The following LONP2 variants were observed in gnomAD, a reference collection of about 807,000 sequenced individuals.
LONP2 encodes lon protease homolog 2, peroxisomal.
Under a neutral mutation model 85.6 loss-of-function variants are expected in LONP2, and 60 were observed. The observed-to-expected ratio is 0.70, with a 90% confidence interval of 0.57 to 0.87. The LOEUF (loss-of-function observed/expected upper bound fraction) is 0.87, where lower values mean the gene tolerates loss of function less well. Ranked by LOEUF, LONP2 falls within the 40% of genes least tolerant of loss-of-function variation. LONP2 has a pLI of 0.00. For synonymous variants in LONP2, 395 were observed against 389.7 expected (o/e 1.01, Z -0.16); for missense variants, 860 against 1,063.5 (o/e 0.81, Z 2.66).
chr16:48,287,064 G>C (rs910887319), intron 8 of LONP2, among the ~76,000 whole-genome samples: 2 of 152,168 alleles, frequency 1.3e-5, no homozygotes, highest in Non-Finnish European at 2.9e-5. Context: ...TTGTTTAGTG[G>C]TCAGCTAGTG....
chr16:48,245,531 G>T (rs1051822863), intron 1 of LONP2, among the ~76,000 whole-genome samples: 1 of 152,160 alleles, frequency 6.6e-6, no homozygotes, highest in Non-Finnish European at 1.5e-5. Context: ...AAATTGAGAT[G>T]ATAGAATTGC....
chr16:48,266,194 G>C (rs771480110), intron 6 of LONP2, among the ~76,000 whole-genome samples: 1 of 151,922 alleles, frequency 6.6e-6, no homozygotes, highest in Non-Finnish European at 1.5e-5. Flanking sequence ...TAGCAGAGAC[G>C]GGGTTTCACC....
At chr16:48,296,415 A>G (rs1972672019) in intron 9 of LONP2, among the ~76,000 whole-genome samples, 1 of 152,162 alleles carries the variant, frequency 6.6e-6, no homozygotes, top group Middle Eastern at 3.2e-3. Flanking sequence ...CAAATAAGAC[A>G]TTCTTCTTTA....
At chr16:48,327,048 G>A (rs1424432659) in intron 11 of LONP2, among the ~76,000 whole-genome samples, 1 of 152,198 alleles carries the variant, frequency 6.6e-6, no homozygotes, top group Admixed American at 6.5e-5. Flanking sequence ...CCCTTCGGGG[G>A]TACACCGCAT....
In LONP2 at chr16:48,351,865, A is replaced by G; in HGVS notation, c.*63A>G. On this transcript the variant is annotated 3_prime_UTR_variant, in exon 15 of 15. Transcript: ENST00000285737. The stretch of plus-strand genomic sequence containing the variant: ...GTGCTCAAAGGTACTGACACAGTTG[A>G]TTTTATTCACACCATTAGGGGTATG... The G allele has an allele frequency of 7.5e-7, 1 of 1,334,726 alleles. No homozygotes were observed. Among genetic ancestry groups the G allele is most frequent in the African/African-American group, 1.5e-5 (1 of 68,802 alleles). The allele number at this position is 1,334,726 out of a possible 1,614,324, so 82.7% of individuals were successfully genotyped here.
At chr16:48,328,677 A>G (rs1174641529) in intron 11 of LONP2, among the ~76,000 whole-genome samples, 2 of 144,854 alleles carry the variant, frequency 1.4e-5, no homozygotes, top group African/African-American at 5.0e-5. Context: ...CTCCGTCTCA[A>G]AAAAAAAAAA....
At chr16:48,292,043 C>T (rs893026094) in intron 8 of LONP2, among the ~76,000 whole-genome samples, 4 of 152,122 alleles carry the variant, frequency 2.6e-5, no homozygotes, top group Non-Finnish European at 5.9e-5. Context: ...AAGAGACAAA[C>T]GGTTGCATTC....
Position 48,348,323 on chromosome 16 carries a change from TTTTA to T in LONP2, c.2337+38_2337+41del, listed in dbSNP as rs774434837. On this transcript the variant is annotated intron_variant, in intron 14 of 14. Transcript: ENST00000285737. ...TGAAAAAACAATTTATATGGTTATT[TTTTA>T]TTTAATTTTTGAAAATTAATATTAT... The T allele has an allele frequency of 6.2e-6, 8 of 1,296,262 alleles. No individual in the cohort carries two copies. In the East Asian group the frequency reaches 8.5e-5, roughly 14 times the overall value. 80.3% of individuals were successfully genotyped at this position (1,296,262 alleles called of 1,614,324 possible).
intron 11 of LONP2, among the ~76,000 whole-genome samples, chr16:48,322,923 A>G (rs941568768): frequency 6.6e-6 from 1 of 152,218 alleles, no homozygotes; most frequent in Non-Finnish European, 1.5e-5. Context: ...TAACGGGGCT[A>G]CAACATCACT....
intron 6 of LONP2, among the ~76,000 whole-genome samples, chr16:48,264,672 G>C (rs986688953): frequency 6.6e-6 from 1 of 152,186 alleles, no homozygotes; most frequent in Non-Finnish European, 1.5e-5. Context: ...AATCACAAGA[G>C]TATTGATTGA....
At chr16:48,334,443 G>C in intron 12 of LONP2, 85 bp downstream of exon 12, 7 of 1,521,722 alleles carry the variant, frequency 4.6e-6, no homozygotes, top group Non-Finnish European at 6.3e-6. Context: ...GCCTGGGCAG[G>C]AGGCTGCCCT....
At chr16:48,323,416 A>G (rs1441882374) in intron 11 of LONP2, among the ~76,000 whole-genome samples, 4 of 152,178 alleles carry the variant, frequency 2.6e-5, no homozygotes, top group Non-Finnish European at 1.5e-5. Context: ...GCACTTTGGG[A>G]GGCCAAGGCG....
At chr16:48,294,130 A>T (rs1027089163) in intron 8 of LONP2, among the ~76,000 whole-genome samples, 11 of 152,062 alleles carry the variant, frequency 7.2e-5, no homozygotes, top group Non-Finnish European at 1.3e-4. Context: ...TAGTAGAGAC[A>T]GAGTTTCACC....
intron 9 of LONP2, 102 bp downstream of exon 9, chr16:48,296,267 A>G: frequency 7.9e-7 from 1 of 1,262,634 alleles, no homozygotes; most frequent in South Asian, 1.4e-5. Flanking sequence ...TCATTTGCCA[A>G]CATACAATCT....
chr16:48,299,704 T>C lies in LONP2; in HGVS notation c.1577T>C (p.Leu526Ser), dbSNP rs769766596. Residue 526 changes from leucine (L) to serine (S), a missense_variant, in exon 10 of 15, where the codon TTG (leucine) becomes TCG (serine). By Grantham distance (145) the Leu-to-Ser change is moderately radical. This residue lies in a region of LONP2 where 743 missense variants were observed against 917.3 expected (regional missense o/e 0.81). Transcript: ENST00000285737. The stretch of plus-strand genomic sequence containing the variant: ...AAGATAGAGATTGCCCATAGGCACT[T>C]GATCCCCAAGCAGCTGGAACAACAT... ...EEKIEIAHRH[L>S]IPKQLEQHGL... 1 of 1,613,942 alleles carries C rather than the reference T, an allele frequency of 6.2e-7. No homozygotes were observed. Among genetic ancestry groups the C allele is most frequent in the Admixed American group, 1.7e-5 (1 of 60,004 alleles).
chr16:48,289,209 C>T (rs1440231535), intron 8 of LONP2, among the ~76,000 whole-genome samples: 1 of 152,036 alleles, frequency 6.6e-6, no homozygotes, highest in African/African-American at 2.4e-5. Context: ...TATATTTGGC[C>T]AAGGTTGAGG....
downstream of LONP2, among the ~76,000 whole-genome samples, chr16:48,359,672 C>T (rs879890825): frequency 7.2e-5 from 11 of 151,964 alleles, no homozygotes; most frequent in Admixed American, 1.3e-4. Flanking sequence ...GCCGAGATCA[C>T]GCCACTGCAC....
chr16:48,316,488 G>A lies in LONP2; in HGVS notation c.1795+13183G>A, dbSNP rs192761919. Among the ~76,000 whole-genome samples the A allele has an allele frequency of 9.5e-5, 14 of 147,074 alleles. No individual in the cohort carries two copies. In the East Asian group the frequency reaches 2.5e-3, roughly 26 times the overall value. The stretch of plus-strand genomic sequence containing the variant: ...ATTACAGGCGCCCGCCACCACACCC[G>A]ACCAATTTTTGTATTTTTAGTAGAG... On this transcript the variant is annotated intron_variant, in intron 11 of 14. Transcript: ENST00000285737.
intron 12 of LONP2, 36 bp downstream of exon 12, chr16:48,334,394 A>T: frequency 8.1e-6 from 13 of 1,613,874 alleles, no homozygotes; most frequent in Non-Finnish European, 1.1e-5. Flanking sequence ...TGCTCCAGTC[A>T]ATGAAAGGAA....
Sources: gnomAD v4.1 joint callset for allele counts (sites outside exome capture counted in the v4.1 genomes callset) on GRCh38, gnomAD v4.1.1 for gene constraint, gnomAD v4.1.1 regional missense constraint, MANE v1.5 for transcripts, NCBI Gene and HGNC (gene_info 2026-07-23, HGNC 2026-07-21) for gene names.